ABHD17B: variants seen among roughly 807,000 people sequenced by gnomAD.
ABHD17B encodes alpha/beta hydrolase domain-containing protein 17B.
In ABHD17B, 9 loss-of-function variants were observed where a neutral mutation model predicts 26.2. That is an observed-to-expected ratio of 0.34 (90% CI 0.21 to 0.60). The LOEUF (loss-of-function observed/expected upper bound fraction) is 0.60. ABHD17B is among the 20% of genes least tolerant of loss of function. The pLI is 0.80. For synonymous variants in ABHD17B, 127 were observed against 122.3 expected, an observed-to-expected ratio of 1.04 and a Z score of -0.25; for missense variants, 224 against 352.1, an observed-to-expected ratio of 0.64 and a Z score of 2.91.
intron 1 of ABHD17B, among the ~76,000 whole-genome samples, chr9:71,894,421 C>A (rs1463919112): frequency 6.6e-6 from 1 of 152,146 alleles, no homozygotes; most frequent in Non-Finnish European, 1.5e-5. Flanking sequence ...TTTGGGCTCA[C>A]TGCAACCTCT....
intron 1 of ABHD17B, among the ~76,000 whole-genome samples, chr9:71,882,313 T>C (rs577224503): frequency 7.2e-5 from 11 of 152,328 alleles, no homozygotes; most frequent in African/African-American, 2.2e-4. Flanking sequence ...TTATTTACAA[T>C]AGCTGAAAAA....
intron 1 of ABHD17B, among the ~76,000 whole-genome samples, chr9:71,885,698 T>C (rs1826587295): frequency 6.6e-6 from 1 of 151,834 alleles, no homozygotes; most frequent in Non-Finnish European, 1.5e-5. Flanking sequence ...AAGACTAATG[T>C]AAAAAAAAGT....
intron 1 of ABHD17B, among the ~76,000 whole-genome samples, chr9:71,888,218 T>C (rs1429331750): frequency 6.6e-6 from 1 of 152,234 alleles, no homozygotes; most frequent in Non-Finnish European, 1.5e-5. Flanking sequence ...CATATTCCTA[T>C]AAAACTTTTG....
At chr9:71,898,856 T>A (rs1395052638) in intron 1 of ABHD17B, among the ~76,000 whole-genome samples, 1 of 152,052 alleles carries the variant, frequency 6.6e-6, no homozygotes, top group Non-Finnish European at 1.5e-5. Context: ...GGCGTGGTGG[T>A]GCACACCTGT....
At position 71,865,690 on chromosome 9, in the gene ABHD17B, G is replaced by A; in HGVS notation, c.*1097C>T. The A allele has an allele frequency of 1.5e-6, 1 of 668,286 alleles. No individual in the cohort carries two copies. The highest frequency in any genetic ancestry group is 2.0e-5 in the African/African-American group (1 of 50,818). The allele number at this position is 668,286 out of a possible 1,614,324, so 41.4% of individuals were successfully genotyped here. A position where few individuals can be genotyped will look rare whatever the true frequency, so the allele number is the denominator to read the frequency against. ...AGCCTGATCAACATGGCAAAACCCT[G>A]TCTCTACTAAAAATACAAAAATTAG... On this transcript the variant is annotated 3_prime_UTR_variant, in exon 4 of 4. Coordinates refer to ENST00000333421, the MANE Select transcript of ABHD17B (RefSeq NM_001025780.3).
chr9:71,862,551 C>T (rs371719974), downstream of ABHD17B: 100 of 1,585,176 alleles, frequency 6.3e-5, no homozygotes, highest in African/African-American at 1.1e-3. Context: ...TACATAGTAC[C>T]GTCATTGAAA....
At chr9:71,867,253 CTT>C (rs1825984116) in intron 3 of ABHD17B, among the ~76,000 whole-genome samples, 1 of 152,188 alleles carries the variant, frequency 6.6e-6, no homozygotes, top group Non-Finnish European at 1.5e-5. Context: ...ACTCAATGCT[CTT>C]GTCACTCTAC....
In ABHD17B at chr9:71,874,645, T is replaced by C. The variant is rs201609306; in HGVS notation, c.436A>G (p.Ile146Val). 15 of 1,601,130 alleles carry C rather than the reference T, an allele frequency of 9.4e-6. No individual in the cohort carries two copies. In the African/African-American group the frequency reaches 1.3e-4, roughly 14 times the overall value. ...KPTEKNLYAD[I>V]EAAWLALRTR... ...CTAAGAGCAAGCCAAGCAGCTTCAA[T>C]GTCTGCATAGAGGTTCTTCTCTGTG... The change falls in exon 2 of 4, where the codon ATT (isoleucine) becomes GTT (valine). Residue 146 changes from isoleucine to valine, a missense_variant. Transcript: ENST00000333421.
chr9:71,862,819 C>T (rs1825863215), downstream of ABHD17B, among the ~76,000 whole-genome samples: 1 of 151,900 alleles, frequency 6.6e-6, no homozygotes, highest in Non-Finnish European at 1.5e-5. Flanking sequence ...GGGTCTCATT[C>T]CATTGGAGTG....
At chr9:71,907,310 A>T (rs972245410) in intron 1 of ABHD17B, among the ~76,000 whole-genome samples, 3 of 152,188 alleles carry the variant, frequency 2.0e-5, no homozygotes, top group Admixed American at 6.5e-5. Flanking sequence ...AAGCTAAATA[A>T]AGATATCTGT....
At chr9:71,878,388 A>C (rs1308322443) in intron 1 of ABHD17B, among the ~76,000 whole-genome samples, 1 of 152,198 alleles carries the variant, frequency 6.6e-6, no homozygotes, top group Non-Finnish European at 1.5e-5. Context: ...CATACTATAG[A>C]AGTTCCAGGA....
intron 1 of ABHD17B, among the ~76,000 whole-genome samples, chr9:71,883,614 CTTCA>C (rs1009213257): frequency 1.2e-4 from 18 of 152,314 alleles, no homozygotes; most frequent in Admixed American, 3.9e-4. Context: ...GTAGATTTAG[CTTCA>C]TTCAAATAAA....
chr9:71,894,565 T>C (rs1826899508), intron 1 of ABHD17B, among the ~76,000 whole-genome samples: 1 of 152,174 alleles, frequency 6.6e-6, no homozygotes, highest in South Asian at 2.1e-4. Flanking sequence ...ACTAAAAAAT[T>C]AAATTGCAGT....
At chr9:71,910,131 C>G (rs1205439822) in intron 1 of ABHD17B, among the ~76,000 whole-genome samples, 1 of 152,074 alleles carries the variant, frequency 6.6e-6, no homozygotes, top group East Asian at 1.9e-4. Flanking sequence ...CGCCAAGCCC[C>G]GTGCAGATTC....
In ABHD17B at chr9:71,890,684, T is replaced by C. The variant is rs140098452; in HGVS notation, c.-3-15601A>G. 3.7e-3 allele frequency among the ~76,000 whole-genome samples: 565 copies of C among 152,346 alleles called. 4 individuals carry two copies. Among genetic ancestry groups the C allele is most frequent in the African/African-American group, 0.013 (527 of 41,560 alleles). ...GTCAAGGTGTTTACATTCTTGATAC[T>C]CAATTACACCTCACTGTTCAAAAAT... On this transcript the variant is annotated intron_variant, in intron 1 of 3. Coordinates refer to ENST00000333421, the MANE Select transcript of ABHD17B (RefSeq NM_001025780.3).
chr9:71,884,516 T>C (rs1452865959), intron 1 of ABHD17B, among the ~76,000 whole-genome samples: 1 of 151,434 alleles, frequency 6.6e-6, no homozygotes, highest in African/African-American at 2.4e-5. Flanking sequence ...ATCTATAATA[T>C]CATTAACATA....
intron 2 of ABHD17B, among the ~76,000 whole-genome samples, chr9:71,874,337 A>G (rs1826198513): frequency 6.6e-6 from 1 of 152,176 alleles, no homozygotes. Context: ...GGCATGCACC[A>G]TGGACTTCCA....
In ABHD17B at chr9:71,869,689, G is replaced by A. The variant is rs370283684; in HGVS notation, c.647+394C>T. On this transcript the variant is annotated intron_variant, in intron 3 of 3. Coordinates refer to ENST00000333421, the MANE Select transcript of ABHD17B (RefSeq NM_001025780.3). The stretch of plus-strand genomic sequence containing the variant: ...TCTACCTGTTCTTCTCTAACATCAA[G>A]TGTCTCACTGGATGGCCCTATCCAT... 9.9e-5 allele frequency among the ~76,000 whole-genome samples: 15 copies of A among 152,144 alleles called. 1 individual carries two copies. The highest frequency in any genetic ancestry group is 5.2e-4 in the Admixed American group (8 of 15,282).
chr9:71,892,528 C>T (rs1275223055), intron 1 of ABHD17B, among the ~76,000 whole-genome samples: 2 of 151,114 alleles, frequency 1.3e-5, no homozygotes, highest in South Asian at 2.1e-4. Context: ...GTGAGACTCC[C>T]TCTCAAAAAA....
Sources: allele counts gnomAD v4.1 joint callset (sites outside exome capture counted in the v4.1 genomes callset), GRCh38; gene constraint gnomAD v4.1.1; transcripts MANE v1.5; gene names NCBI Gene and HGNC (gene_info 2026-07-23, HGNC 2026-07-21).